Variants in SLC30A8 observed in about 807,000 individuals in gnomAD.
The protein encoded by SLC30A8 is proton-coupled zinc antiporter SLC30A8.
Under a neutral mutation model 36.9 loss-of-function variants are expected in SLC30A8, and 27 were observed. The observed-to-expected ratio is 0.73, with a 90% CI of 0.54 to 1.01. SLC30A8 has a LOEUF of 1.01. Among genes scored for constraint, SLC30A8 ranks in the 50% least tolerant of loss-of-function variants. The probability of loss-of-function intolerance (pLI) is 0.00; values close to 1 mark genes in which losing one functional copy is unlikely to be tolerated. For missense variants in SLC30A8, 439 were observed against 452.0 expected (o/e 0.97, Z 0.26); for synonymous variants, 164 against 172.4 (o/e 0.95, Z 0.38).
chr8:117,157,736 C>T lies in SLC30A8; in HGVS notation c.464C>T (p.Thr155Ile). The part of the protein sequence containing the change: ...LLSILCIWVV[T>I]GVLVYLACER... The stretch of plus-strand genomic sequence containing the variant: ...TCCATCCTGTGCATCTGGGTGGTGA[C>T]TGGCGTGCTAGTGTACCTGGCATGT... The change falls in exon 4 of 8, where the codon ACT becomes ATT. Residue 155 changes from threonine (T) to isoleucine (I), a missense_variant. Physicochemically the swap from Thr to Ile is moderately conservative, Grantham distance 89. Transcript: ENST00000456015. 2 of 1,614,106 alleles carry T rather than the reference C, an allele frequency of 1.2e-6. No individual in the cohort carries two copies. The highest frequency in any genetic ancestry group is 1.7e-6 in the Non-Finnish European group (2 of 1,179,994).
At chr8:117,031,662 C>A (rs1817054703) in intron 1 of SLC30A8, among the ~76,000 whole-genome samples, 1 of 152,100 alleles carries the variant, frequency 6.6e-6, no homozygotes, top group East Asian at 1.9e-4. Context: ...TAAGGTTTCA[C>A]CATGTTGGTT....
At chr8:117,049,738 C>T (rs1398198226) in intron 2 of SLC30A8, among the ~76,000 whole-genome samples, 3 of 152,158 alleles carry the variant, frequency 2.0e-5, no homozygotes, top group Admixed American at 2.0e-4. Context: ...TAAGCAAGAG[C>T]CCCCTGGCCC....
At chr8:117,169,668 G>T (rs1333701403) in intron 6 of SLC30A8, among the ~76,000 whole-genome samples, 2 of 152,108 alleles carry the variant, frequency 1.3e-5, no homozygotes, top group South Asian at 2.1e-4. Flanking sequence ...GGTGGCATTT[G>T]CTTCTGGGGA....
At chr8:116,993,325 A>G (rs1225356892) in intron 1 of SLC30A8, among the ~76,000 whole-genome samples, 4 of 152,072 alleles carry the variant, frequency 2.6e-5, no homozygotes, top group Non-Finnish European at 4.4e-5. Flanking sequence ...ACAATACTCT[A>G]CAAGTGTGGG....
In SLC30A8 at chr8:116,973,223, A is replaced by C. The variant is rs572322243; in HGVS notation, c.-266+22104A>C. The stretch of plus-strand genomic sequence containing the variant: ...AGTAGGAAATAAATGTATGGTTTTT[A>C]TAAGCCACCGAGTTTGTGGTATTTT... On this transcript the variant is annotated intron_variant, in intron 1 of 10. Coordinates refer to the SLC30A8 transcript ENST00000427715. 6.5e-4 allele frequency among the ~76,000 whole-genome samples: 99 copies of C among 152,286 alleles called. 1 individual carries two copies. The highest frequency in any genetic ancestry group is 2.3e-3 in the African/African-American group (96 of 41,576).
chr8:117,131,810 A>G (rs771847838), upstream of SLC30A8, among the ~76,000 whole-genome samples: 43 of 151,964 alleles, frequency 2.8e-4, no homozygotes, highest in Admixed American at 2.6e-3. Flanking sequence ...TTTTATACAT[A>G]TTATCTGTTT....
At chr8:117,038,016 C>T (rs1388896954) in intron 1 of SLC30A8, among the ~76,000 whole-genome samples, 1 of 152,120 alleles carries the variant, frequency 6.6e-6, no homozygotes, top group Non-Finnish European at 1.5e-5. Context: ...AGAGGAAATC[C>T]AAATTAAGTT....
At chr8:116,964,127 T>C (rs1308108904) in intron 1 of SLC30A8, among the ~76,000 whole-genome samples, 6 of 152,232 alleles carry the variant, frequency 3.9e-5, no homozygotes, top group African/African-American at 4.8e-5. Flanking sequence ...TACAATCTTA[T>C]AAGACCTGAA....
At chr8:116,969,027 C>T (rs1814693657) in intron 1 of SLC30A8, among the ~76,000 whole-genome samples, 1 of 152,106 alleles carries the variant, frequency 6.6e-6, no homozygotes, top group African/African-American at 2.4e-5. Context: ...AGCCAATGTG[C>T]CCAGCCCACA....
chr8:116,993,433 C>T lies in SLC30A8; in HGVS notation c.-266+42314C>T, dbSNP rs568718373. ...TCTACTAGAGGAAGAAAACTGAGTT[C>T]ACAGTGTAATTCAAAGCATCTACAA... On this transcript the variant is annotated intron_variant, in intron 1 of 10. Transcript: ENST00000427715. Among the ~76,000 whole-genome samples the T allele has an allele frequency of 3.9e-5, 6 of 152,104 alleles. No individual in the cohort carries two copies. The East Asian group carries it at 1.2e-3, about 29-fold the overall frequency.
At chr8:116,953,731 A>G (rs1405490084) in intron 1 of SLC30A8, among the ~76,000 whole-genome samples, 1 of 152,008 alleles carries the variant, frequency 6.6e-6, no homozygotes, top group African/African-American at 2.4e-5. Flanking sequence ...TTTTTCTATC[A>G]ACTTTTTTTC....
At chr8:117,150,146 CTTG>C (rs1822108641) in intron 2 of SLC30A8, among the ~76,000 whole-genome samples, 1 of 152,124 alleles carries the variant, frequency 6.6e-6, no homozygotes, top group African/African-American at 2.4e-5. Flanking sequence ...TGTTGTTGTA[CTTG>C]TTAAGTAACA....
intron 2 of SLC30A8, among the ~76,000 whole-genome samples, chr8:117,110,123 C>CA (rs1390479586): frequency 2.0e-5 from 3 of 151,908 alleles, no homozygotes; most frequent in East Asian, 1.9e-4. Flanking sequence ...CATGTTGATT[C>CA]AAAAAAACCC....
chr8:116,959,962 C>T (rs1481981673), intron 1 of SLC30A8, among the ~76,000 whole-genome samples: 1 of 152,200 alleles, frequency 6.6e-6, no homozygotes, highest in Non-Finnish European at 1.5e-5. Context: ...CTTCGTTGGT[C>T]ATCATGCTCT....
chr8:117,034,475 T>C (rs1817149894), intron 1 of SLC30A8, among the ~76,000 whole-genome samples: 1 of 152,210 alleles, frequency 6.6e-6, no homozygotes, highest in Admixed American at 6.5e-5. Flanking sequence ...GTTAATTGAA[T>C]CTTCATAACA....
At chr8:117,095,165 C>T (rs565053799) in intron 2 of SLC30A8, among the ~76,000 whole-genome samples, 1 of 152,306 alleles carries the variant, frequency 6.6e-6, no homozygotes. Context: ...TCCCAGCCCC[C>T]GTTGGCTCTG....
At chr8:116,974,720 G>A (rs542710363) in intron 1 of SLC30A8, among the ~76,000 whole-genome samples, 2,222 of 152,070 alleles carry the variant, frequency 0.015, 63 homozygotes, top group African/African-American at 0.051. Context: ...TCATGCTGCT[G>A]TAAAGACACA....
intron 1 of SLC30A8, among the ~76,000 whole-genome samples, chr8:116,979,587 A>G (rs1331291829): frequency 2.0e-5 from 3 of 152,288 alleles, no homozygotes; most frequent in East Asian, 1.9e-4. Flanking sequence ...TTCTGGACCA[A>G]GTTTCCTTAC....
Position 117,135,496 on chromosome 8 carries a change from C to T in SLC30A8, c.71+98C>T, listed in dbSNP as rs545250718. On this transcript the variant is annotated intron_variant, in intron 1 of 7. Transcript: ENST00000456015. Reference sequence around the variant, plus strand: ...TGAATTGTAGGCCTTTACTCTGCAACTTGGGGGCACTCTGGAACATTTTAT... The same window carrying T: ...TGAATTGTAGGCCTTTACTCTGCAATTTGGGGGCACTCTGGAACATTTTAT... The T allele has an allele frequency of 1.2e-4, 97 of 779,272 alleles. No individual in the cohort carries two copies. In the East Asian group the frequency reaches 2.5e-3, roughly 20 times the overall value. The allele number at this position is 779,272 out of a possible 1,614,324, so 48.3% of individuals were successfully genotyped here. A position where few individuals can be genotyped will look rare whatever the true frequency, so the allele number is the denominator to read the frequency against.
Sources: allele counts gnomAD v4.1 joint callset (sites outside exome capture counted in the v4.1 genomes callset), GRCh38; gene constraint gnomAD v4.1.1; transcripts MANE v1.5; gene names NCBI Gene and HGNC (gene_info 2026-07-23, HGNC 2026-07-21).